The following RHOH variants were observed in gnomAD, a reference collection of about 807,000 sequenced individuals.
The protein encoded by RHOH is rho-related GTP-binding protein RhoH.
RHOH carries 6 observed loss-of-function variants against 13.8 expected under a neutral mutation model. The ratio of observed to expected loss-of-function variants is 0.44; its 90% CI spans 0.24 to 0.86. The LOEUF (loss-of-function observed/expected upper bound fraction) is 0.86. Among genes scored for constraint, RHOH ranks in the 40% least tolerant of loss-of-function variants. RHOH has a pLI of 0.24. For synonymous variants in RHOH, 117 were observed against 103.0 expected, an observed-to-expected ratio of 1.14 and a Z score of -0.82; for missense variants, 147 against 244.5, an observed-to-expected ratio of 0.60 and a Z score of 2.66.
At chr4:40,193,453 T>C (rs1722814174), upstream of RHOH, among the ~76,000 whole-genome samples, 1 of 122,836 alleles carries the variant, frequency 8.1e-6, no homozygotes. Context: ...CCCCTGTCGG[T>C]TAAAAGTCTG....
chr4:40,196,456 T>C (rs1723141876), upstream of RHOH, among the ~76,000 whole-genome samples: 1 of 152,180 alleles, frequency 6.6e-6, no homozygotes, highest in African/African-American at 2.4e-5. Context: ...AAAAAACAAC[T>C]CATCGCCAGG....
chr4:40,220,161 TC>T (rs1244066323), intron 1 of RHOH, among the ~76,000 whole-genome samples: 1 of 152,090 alleles, frequency 6.6e-6, no homozygotes, highest in Non-Finnish European at 1.5e-5. Context: ...CTGTCTATTC[TC>T]CAAATACCCA....
chr4:40,195,303 A>T (rs1723002111), upstream of RHOH, among the ~76,000 whole-genome samples: 1 of 152,026 alleles, frequency 6.6e-6, no homozygotes, highest in South Asian at 2.1e-4. Context: ...TAACATCACC[A>T]TGGTGATCTG....
At chr4:40,230,607 C>G (rs80224458) in intron 1 of RHOH, among the ~76,000 whole-genome samples, 11,828 of 151,650 alleles carry the variant, frequency 0.078, 811 homozygotes, top group East Asian at 0.41. Context: ...GATCCACCCC[C>G]CTTAGCCTCC....
intron 1 of RHOH, among the ~76,000 whole-genome samples, chr4:40,198,156 G>T (rs1723465518): frequency 6.6e-6 from 1 of 152,244 alleles, no homozygotes; most frequent in African/African-American, 2.4e-5. Context: ...CAGGCTTGAA[G>T]AGTTCTGTGA....
intron 1 of RHOH, among the ~76,000 whole-genome samples, chr4:40,213,843 C>T (rs1421086733): frequency 2.6e-5 from 4 of 152,066 alleles, no homozygotes; most frequent in Admixed American, 6.6e-5. Context: ...CTGCAACTTC[C>T]GCCTCCCAGG....
intron 1 of RHOH, among the ~76,000 whole-genome samples, chr4:40,203,959 T>C (rs1435351745): frequency 2.6e-5 from 4 of 152,206 alleles, no homozygotes; most frequent in Non-Finnish European, 5.9e-5. Context: ...TACTGTATGA[T>C]AACATTATGT....
At chr4:40,212,055 T>C (rs1725332187) in intron 1 of RHOH, among the ~76,000 whole-genome samples, 2 of 152,192 alleles carry the variant, frequency 1.3e-5, no homozygotes, top group South Asian at 4.1e-4. Flanking sequence ...CATAATGATT[T>C]AGATGATTAA....
chr4:40,233,336 T>C (rs1004349749), intron 1 of RHOH, among the ~76,000 whole-genome samples: 6 of 152,236 alleles, frequency 3.9e-5, no homozygotes, highest in African/African-American at 1.2e-4. Flanking sequence ...TTAAGTGACC[T>C]TTATGAGATC....
chr4:40,234,971 A>G (rs1728379744), intron 1 of RHOH, among the ~76,000 whole-genome samples: 1 of 152,120 alleles, frequency 6.6e-6, no homozygotes, highest in Admixed American at 6.5e-5. Flanking sequence ...AAGTACACTG[A>G]CTTAAAAATG....
intron 1 of RHOH, among the ~76,000 whole-genome samples, chr4:40,199,535 C>T (rs181669830): frequency 6.6e-6 from 1 of 152,304 alleles, no homozygotes; most frequent in South Asian, 2.1e-4. Context: ...GTTTCTCTAG[C>T]TTATGAGATG....
chr4:40,198,358 C>A (rs1723501199), intron 1 of RHOH, among the ~76,000 whole-genome samples: 1 of 152,226 alleles, frequency 6.6e-6, no homozygotes, highest in African/African-American at 2.4e-5. Flanking sequence ...GAAGAGAAGA[C>A]AGTTTGTTTT....
At position 40,243,137 on chromosome 4, in the gene RHOH, G is replaced by C; in HGVS notation, c.-209-41G>C. On this transcript the variant is annotated intron_variant, in intron 2 of 2. Transcript: ENST00000381799. This position sits in a 1 kb window ranked among gnomAD's most constrained non-coding sequence, Gnocchi z 6.2. ...CCTTATCTTCAAAAAAGGCAAGAAA[G>C]AAAGAAAGACTTCATTTTCCCCCTT... is the stretch of plus-strand genomic sequence containing the variant. The C allele has an allele frequency of 2.4e-6, 1 of 416,210 alleles. No homozygotes were observed. Among genetic ancestry groups the C allele is most frequent in the Non-Finnish European group, 4.3e-6 (1 of 233,536 alleles). The allele number at this position is 416,210 out of a possible 1,614,324, so 25.8% of individuals were successfully genotyped here. A position where few individuals can be genotyped will look rare whatever the true frequency, so the allele number is the denominator to read the frequency against.
chr4:40,204,175 C>T (rs1406161185), intron 1 of RHOH, among the ~76,000 whole-genome samples: 1 of 152,190 alleles, frequency 6.6e-6, no homozygotes, highest in African/African-American at 2.4e-5. Flanking sequence ...ATTGTAATAG[C>T]TTTCAAATAG....
intron 1 of RHOH, among the ~76,000 whole-genome samples, chr4:40,222,662 A>C (rs2109460981): frequency 6.6e-6 from 1 of 152,362 alleles, no homozygotes; most frequent in South Asian, 2.1e-4. Context: ...GAGATGTACA[A>C]GGAGATTAAT....
upstream of RHOH, chr4:40,193,709 A>G (rs1722857358): frequency 6.6e-6 from 1 of 152,564 alleles, no homozygotes; most frequent in Non-Finnish European, 1.5e-5. Flanking sequence ...GCTGGACTGT[A>G]CCAGATCATC....
intron 1 of RHOH, among the ~76,000 whole-genome samples, chr4:40,198,234 A>G (rs541883824): frequency 1.2e-4 from 19 of 152,252 alleles, no homozygotes; most frequent in African/African-American, 4.3e-4. Flanking sequence ...AAGAATGCGA[A>G]GTGTCGGTAG....
Position 40,243,498 on chromosome 4 carries a change from T to C in RHOH, c.112T>C (p.Tyr38His). The C allele has an allele frequency of 6.2e-7, 1 of 1,613,708 alleles. No individual in the cohort carries two copies. Among genetic ancestry groups the C allele is most frequent in the East Asian group, 2.2e-5 (1 of 44,842 alleles). The change falls in exon 3 of 3, where the codon TAC becomes CAC. Residue 38 changes from tyrosine (Y) to histidine (H), a missense_variant. By Grantham distance (83) the Tyr-to-His change is moderately conservative. This residue lies in a region of RHOH where 80 missense variants were observed against 152.0 expected (regional missense o/e 0.53). Transcript: ENST00000381799. This position sits in a 1 kb window ranked among gnomAD's most constrained non-coding sequence, Gnocchi z 6.2. ...CCCGGAGGCCTACAAGCCCACAGTG[T>C]ACGAGAACACAGGGGTGGACGTCTT... is the stretch of plus-strand genomic sequence containing the variant. ...TFPEAYKPTVYENTGVDVFMD... is the reference protein window; with the variant it reads ...TFPEAYKPTVHENTGVDVFMD...
chr4:40,192,679 G>GT (rs999425274), upstream of RHOH, among the ~76,000 whole-genome samples: 2 of 152,194 alleles, frequency 1.3e-5, no homozygotes, highest in African/African-American at 4.8e-5. Flanking sequence ...GATGAAGGTG[G>GT]TTTTGAGAAA....
Sources: allele counts gnomAD v4.1 joint callset (sites outside exome capture counted in the v4.1 genomes callset), GRCh38; gene constraint gnomAD v4.1.1; regional missense constraint gnomAD v4.1.1; non-coding constraint Gnocchi (gnomAD v3.1); transcripts MANE v1.5; gene names NCBI Gene and HGNC (gene_info 2026-07-23, HGNC 2026-07-21).